Variants in LETM2 observed in about 807,000 individuals in gnomAD.
LETM2 encodes leucine zipper and EF-hand containing transmembrane protein 2.
Under a neutral mutation model 59.6 loss-of-function variants are expected in LETM2, and 58 were observed. The observed-to-expected ratio is 0.97, with a 90% CI of 0.79 to 1.21. The LOEUF (loss-of-function observed/expected upper bound fraction) is 1.21, where lower values mean the gene tolerates loss of function less well. Among genes scored for constraint, LETM2 ranks in the 50% most tolerant of loss-of-function variants. The probability of loss-of-function intolerance (pLI) is 0.00; values close to 1 mark genes in which losing one functional copy is unlikely to be tolerated. For missense variants in LETM2, 572 were observed against 575.7 expected, an observed-to-expected ratio of 0.99 and a Z score of 0.07; for synonymous variants, 199 against 214.1, an observed-to-expected ratio of 0.93 and a Z score of 0.62.
rs1022943684 is a variant in LETM2, at chr8:38,408,535, C to T, written c.*261C>T. On this transcript the variant is annotated 3_prime_UTR_variant, in exon 11 of 11. Coordinates refer to ENST00000379957, the MANE Select transcript of LETM2 (RefSeq NM_001286819.2). Reference sequence around the variant, plus strand: ...CCCACTCAACTTTGTATAAAGCCCACCCCCCATCATGTTGTTTTTTTAGTT... The same window carrying T: ...CCCACTCAACTTTGTATAAAGCCCATCCCCCATCATGTTGTTTTTTTAGTT... 1.1e-5 allele frequency: 4 copies of T among 352,170 alleles called. No homozygotes were observed. The highest frequency in any genetic ancestry group is 2.1e-5 in the Non-Finnish European group (4 of 190,380). The allele number at this position is 352,170 out of a possible 1,614,324, so 21.8% of individuals were successfully genotyped here.
rs762652799 is a variant in LETM2 at position 38,400,281 on chromosome 8, C to T, written c.655C>T (p.Gln219Ter). 3.1e-6 allele frequency: 5 copies of T among 1,607,100 alleles called. No homozygotes were observed. In the East Asian group the frequency reaches 1.1e-4, roughly 36 times the overall value. The change falls in exon 5 of 11, where the codon CAG (glutamine) becomes TAG (stop). Residue 219 changes from glutamine to a stop codon, truncating the protein, a stop_gained. Transcript: ENST00000379957. LOFTEE classifies it high-confidence loss of function. ...FESESKKEEK[Q>*]KKKMAVKLEL... ...TTCTTCTACCATTAAGGAAGAAAAA[C>T]AGAAAAAGAAAATGGCTGTAAAGTT... is the stretch of plus-strand genomic sequence containing the variant.
upstream of LETM2, among the ~76,000 whole-genome samples, chr8:38,385,434 C>T (rs1488308126): frequency 6.6e-6 from 1 of 152,168 alleles, no homozygotes; most frequent in Non-Finnish European, 1.5e-5. Flanking sequence ...GCTCTTGTCG[C>T]CCAGGCTGGA....
intron 4 of LETM2, 60 bp downstream of exon 4, chr8:38,394,301 A>C: frequency 4.7e-6 from 5 of 1,057,586 alleles, no homozygotes; most frequent in Non-Finnish European, 6.4e-6. Context: ...TTTTAGGTTT[A>C]CAGAAAACTT....
intron 3 of LETM2, chr8:38,393,744 T>G (rs1305214557): frequency 5.3e-6 from 1 of 188,062 alleles, no homozygotes; most frequent in Admixed American, 6.0e-5. Context: ...ATATTTTTAT[T>G]GTCATAGATT....
chr8:38,400,670 CCTGATTTTT>C lies in LETM2; in HGVS notation c.784-181_784-173del, dbSNP rs543844133. On this transcript the variant is annotated intron_variant, in intron 5 of 10. Transcript: ENST00000379957. ...AGATTTAGAGTCAAACTTCCAAACT[CCTGATTTTT>C]CAGCTGATGTAGTTTGACTTCAGAT... The C allele has an allele frequency of 8.6e-5, 58 of 676,126 alleles. 1 individual carries two copies. In the South Asian group the frequency reaches 1.1e-3, roughly 13 times the overall value. The allele number at this position is 676,126 out of a possible 1,614,324, so 41.9% of individuals were successfully genotyped here.
chr8:38,382,656 G>A (rs544439566), upstream of LETM2: 3 of 152,402 alleles, frequency 2.0e-5, no homozygotes, highest in Non-Finnish European at 2.9e-5. This position sits in a 1 kb window ranked among gnomAD's most constrained non-coding sequence, Gnocchi z 4.2. Flanking sequence ...GCGCTCCTCA[G>A]GGTGACTCGG....
chr8:38,383,174 G>C (rs1811648317), upstream of LETM2: 1 of 152,256 alleles, frequency 6.6e-6, no homozygotes, highest in South Asian at 2.1e-4. Context: ...TGTCCTAGAG[G>C]GCCCAAGATA....
chr8:38,407,117 C>T, intron 9 of LETM2, 79 bp downstream of exon 9: 1 of 867,074 alleles, frequency 1.2e-6, no homozygotes, highest in Non-Finnish European at 1.9e-6. Context: ...TGTTTTAATC[C>T]CCTTAATGAA....
chr8:38,385,824 C>A (rs1031635912), upstream of LETM2, among the ~76,000 whole-genome samples: 1 of 152,240 alleles, frequency 6.6e-6, no homozygotes, highest in African/African-American at 2.4e-5. Context: ...ATCCTAGGAA[C>A]TGAAGTGCCC....
chr8:38,395,796 G>A (rs1472787085), intron 4 of LETM2, among the ~76,000 whole-genome samples: 3 of 152,176 alleles, frequency 2.0e-5, no homozygotes, highest in South Asian at 2.1e-4. Context: ...GATTACAGGC[G>A]TGAGCCACTG....
At chr8:38,404,640 G>C (rs1487839866) in intron 8 of LETM2, 134 bp downstream of exon 8, 1 of 624,904 alleles carries the variant, frequency 1.6e-6, no homozygotes, top group Non-Finnish European at 2.8e-6. Flanking sequence ...GGCTTTATGT[G>C]TTTTAAAAAT....
intron 2 of LETM2, among the ~76,000 whole-genome samples, chr8:38,391,201 A>AAAC (rs1812228767): frequency 7.0e-6 from 1 of 142,932 alleles, no homozygotes; most frequent in Admixed American, 7.0e-5. Context: ...AAAAAAAACA[A>AAAC]AAAAAAAAAC....
Position 38,407,012 on chromosome 8 carries a change from C to A in LETM2, c.1285C>A (p.Leu429Ile). ...FTESKENMVD[L>I]APQLKGTKDE... ...TGAATCTAAAGAGAACATGGTGGATCTTGCACCTCAACTGAAGGGAACTAA... is the reference window on the plus strand; with the variant it reads ...TGAATCTAAAGAGAACATGGTGGATATTGCACCTCAACTGAAGGGAACTAA... The change falls in exon 9 of 11, where the codon CTT becomes ATT. Residue 429 changes from leucine to isoleucine, a missense_variant. Physicochemically the swap from Leu to Ile is conservative, Grantham distance 5. Coordinates refer to ENST00000379957, the MANE Select transcript of LETM2 (RefSeq NM_001286819.2). 1 of 1,610,102 alleles carries A rather than the reference C, an allele frequency of 6.2e-7. No individual in the cohort carries two copies. Among genetic ancestry groups the A allele is most frequent in the Non-Finnish European group, 8.5e-7 (1 of 1,176,428 alleles).
chr8:38,401,385 C>CCTCAGCCT (rs1481063761), intron 6 of LETM2, among the ~76,000 whole-genome samples: 1 of 152,180 alleles, frequency 6.6e-6, no homozygotes, highest in Non-Finnish European at 1.5e-5. Flanking sequence ...GATCCACCCG[C>CCTCAGCCT]CTCAGCCTCC....
Position 38,408,208 on chromosome 8 carries a change from C to G in LETM2, c.1414-4C>G, listed in dbSNP as rs777996692. ...TGCCTACAGTCCTTGTTTTTTACGC[C>G]TAGACACTCCAGGCCAAATCACAAA... On this transcript the variant is annotated splice_polypyrimidine_tract_variant and splice_region_variant and intron_variant, in intron 10 of 10. Transcript: ENST00000379957. The G allele has an allele frequency of 7.4e-6, 12 of 1,611,782 alleles. No homozygotes were observed. The highest frequency in any genetic ancestry group is 9.3e-6 in the Non-Finnish European group (11 of 1,179,026).
chr8:38,398,885 A>G (rs1172650417), intron 4 of LETM2, among the ~76,000 whole-genome samples: 2 of 151,846 alleles, frequency 1.3e-5, no homozygotes. Flanking sequence ...ACGCCCGGCT[A>G]ATTTTTGTAT....
chr8:38,404,197 A>G lies in LETM2; in HGVS notation c.1105-196A>G, dbSNP rs532629554. Reference sequence around the variant, plus strand: ...GAGAGTGATTCCACCATAGTGAGGGAGGCTGTAGGGTGCCCCCTCAGTGCA... The same window carrying G: ...GAGAGTGATTCCACCATAGTGAGGGGGGCTGTAGGGTGCCCCCTCAGTGCA... On this transcript the variant is annotated intron_variant, in intron 7 of 10. Transcript: ENST00000379957. The G allele has an allele frequency of 1.9e-5, 10 of 533,200 alleles. No homozygotes were observed. The Admixed American group carries it at 2.3e-4, about 12-fold the overall frequency. The allele number at this position is 533,200 out of a possible 1,614,324, so 33.0% of individuals were successfully genotyped here. A position where few individuals can be genotyped will look rare whatever the true frequency, so the allele number is the denominator to read the frequency against.
At position 38,407,487 on chromosome 8, in the gene LETM2, AAGAAAG is replaced by A. The variant is rs1813825219; in HGVS notation, c.1413+29_1413+34del. The A allele has an allele frequency of 2.1e-6, 3 of 1,428,344 alleles. No individual in the cohort carries two copies. The African/African-American group carries it at 4.2e-5, about 20-fold the overall frequency. The allele number at this position is 1,428,344 out of a possible 1,614,324, so 88.5% of individuals were successfully genotyped here. A position where few individuals can be genotyped will look rare whatever the true frequency, so the allele number is the denominator to read the frequency against. ...CTGTAAGTATCTTTAATAAATGAAA[AAGAAAG>A]AGAAGACCCTTTCCCTCTAGTTATC... On this transcript the variant is annotated intron_variant, in intron 10 of 10. Transcript: ENST00000379957.
chr8:38,388,068 C>A (rs968159512), intron 2 of LETM2, 38 bp downstream of exon 2: 35 of 1,209,444 alleles, frequency 2.9e-5, no homozygotes, highest in Middle Eastern at 1.9e-4. Flanking sequence ...GAACGTAATT[C>A]TTCTTCTTCT....
Sources: gnomAD v4.1 joint callset for allele counts (sites outside exome capture counted in the v4.1 genomes callset) on GRCh38, gnomAD v4.1.1 for gene constraint, Gnocchi (gnomAD v3.1) non-coding constraint, MANE v1.5 for transcripts, NCBI Gene and HGNC (gene_info 2026-07-23, HGNC 2026-07-21) for gene names.